OSBPL8: variants seen among roughly 807,000 people sequenced by gnomAD.
The protein encoded by OSBPL8 is oxysterol-binding protein-related protein 8.
A neutral mutation model predicts 125.5 loss-of-function variants in OSBPL8; 59 were observed. That is an observed-to-expected ratio of 0.47 (90% CI 0.38 to 0.58). OSBPL8 has a LOEUF of 0.58. Among genes scored for constraint, OSBPL8 ranks in the 20% least tolerant of loss-of-function variants. The pLI is 0.00. For missense variants in OSBPL8, 758 were observed against 1,047.8 expected, an observed-to-expected ratio of 0.72 and a Z score of 3.82; for synonymous variants, 330 against 338.9, an observed-to-expected ratio of 0.97 and a Z score of 0.29.
At chr12:76,414,354 T>C (rs1193692490) in intron 4 of OSBPL8, among the ~76,000 whole-genome samples, 1 of 151,466 alleles carries the variant, frequency 6.6e-6, no homozygotes, top group East Asian at 1.9e-4. Flanking sequence ...TTTTGATATA[T>C]TTTTATATGT....
intron 8 of OSBPL8, among the ~76,000 whole-genome samples, chr12:76,395,010 A>G (rs1440026008): frequency 1.3e-5 from 2 of 152,166 alleles, no homozygotes; most frequent in Non-Finnish European, 2.9e-5. Flanking sequence ...AAAGTTTACC[A>G]TATTAAACCA....
At chr12:76,531,326 T>C (rs531068419) in intron 1 of OSBPL8, among the ~76,000 whole-genome samples, 1 of 152,318 alleles carries the variant, frequency 6.6e-6, no homozygotes, top group East Asian at 1.9e-4. Flanking sequence ...CTTTTCTTAG[T>C]TAGCTTCCAA....
At chr12:76,387,202 T>C (rs1659581833) in intron 12 of OSBPL8, among the ~76,000 whole-genome samples, 1 of 152,174 alleles carries the variant, frequency 6.6e-6, no homozygotes, top group African/African-American at 2.4e-5. Flanking sequence ...CTGTAGTACA[T>C]GGAGGGGAGG....
At chr12:76,369,606 T>G (rs368924799) in intron 20 of OSBPL8, 31 bp downstream of exon 20, 17 of 1,575,322 alleles carry the variant, frequency 1.1e-5, no homozygotes, top group Non-Finnish European at 1.5e-5. Flanking sequence ...GCTAATACAT[T>G]GTTTGAAATA....
At chr12:76,461,737 T>C (rs1413318628) in intron 2 of OSBPL8, among the ~76,000 whole-genome samples, 2 of 152,046 alleles carry the variant, frequency 1.3e-5, no homozygotes, top group Non-Finnish European at 2.9e-5. Flanking sequence ...GTGCCCGGCA[T>C]AGTAAGTCTT....
At chr12:76,545,738 G>A (rs17258018) in intron 1 of OSBPL8, among the ~76,000 whole-genome samples, 15,492 of 152,048 alleles carry the variant, frequency 0.1, 848 homozygotes, top group Admixed American at 0.12. Context: ...AAGTAACCAA[G>A]ACACTTAATT....
intron 1 of OSBPL8, among the ~76,000 whole-genome samples, chr12:76,553,635 C>T (rs1036559454): frequency 1.3e-5 from 2 of 151,234 alleles, no homozygotes; most frequent in Non-Finnish European, 2.9e-5. Flanking sequence ...GTAGTGAGTG[C>T]CACTGCACTC....
chr12:76,353,626 A>G lies in OSBPL8; in HGVS notation c.*2263T>C, dbSNP rs1166838715. ...GTAATTATGTGTTATAAAGATTCAT[A>G]TAACTAAGCCTAGTACAAGCACTGA... On this transcript the variant is annotated 3_prime_UTR_variant, in exon 24 of 24. Coordinates refer to ENST00000261183, the MANE Select transcript of OSBPL8 (RefSeq NM_020841.5). 1 of 152,418 alleles carries G rather than the reference A, an allele frequency of 6.6e-6. No homozygotes were observed. The highest frequency in any genetic ancestry group is 1.9e-4 in the East Asian group (1 of 5,206). 9.4% of individuals were successfully genotyped at this position (152,418 alleles called of 1,614,324 possible).
At chr12:76,357,076 CT>C (rs1006851216) in intron 22 of OSBPL8, among the ~76,000 whole-genome samples, 1 of 152,106 alleles carries the variant, frequency 6.6e-6, no homozygotes, top group Admixed American at 6.5e-5. Context: ...TTCTTGAGCC[CT>C]TTTTTCCAAT....
chr12:76,377,293 TAATGTG>T (rs1030355727), intron 16 of OSBPL8, among the ~76,000 whole-genome samples: 2 of 152,222 alleles, frequency 1.3e-5, no homozygotes, highest in African/African-American at 4.8e-5. Context: ...ATATACCCAG[TAATGTG>T]ATTGCTGGGT....
In OSBPL8 at chr12:76,392,699, TAAG is replaced by T; in HGVS notation, c.808_810del (p.Leu270del). The T allele has an allele frequency of 6.2e-7, 1 of 1,614,038 alleles. No individual in the cohort carries two copies. On this transcript the variant is annotated inframe_deletion, in exon 10 of 24. Transcript: ENST00000261183. Reference sequence around the variant, plus strand: ...TTTCCTTCTCTGATCATTGTACGTTTAAGAAGACTAGAACATTTCAAAGCCAAC... The same window carrying T: ...TTTCCTTCTCTGATCATTGTACGTTTAAGACTAGAACATTTCAAAGCCAAC...
At chr12:76,403,620 C>T (rs1290385277) in intron 5 of OSBPL8, among the ~76,000 whole-genome samples, 1 of 152,172 alleles carries the variant, frequency 6.6e-6, no homozygotes, top group African/African-American at 2.4e-5. Context: ...ATTAAACATA[C>T]TCCTTCAATG....
intron 1 of OSBPL8, among the ~76,000 whole-genome samples, chr12:76,556,673 G>A (rs548703675): frequency 6.6e-6 from 1 of 152,024 alleles, no homozygotes; most frequent in African/African-American, 2.4e-5. Context: ...TGTTTTTTTG[G>A]TGTTTTTTGA....
intron 1 of OSBPL8, among the ~76,000 whole-genome samples, chr12:76,525,996 G>C (rs1416826311): frequency 6.6e-6 from 1 of 152,226 alleles, no homozygotes; most frequent in Admixed American, 6.5e-5. Flanking sequence ...GCTGGAAATA[G>C]TCTATATCTT....
intron 1 of OSBPL8, 118 bp downstream of exon 1, chr12:76,559,279 G>C (rs1428285094): frequency 6.5e-6 from 1 of 152,878 alleles, no homozygotes; most frequent in East Asian, 1.9e-4. Context: ...AGAACTCCTC[G>C]GCGGGGGTGG....
intron 1 of OSBPL8, among the ~76,000 whole-genome samples, chr12:76,498,499 C>A (rs1225412447): frequency 6.6e-6 from 1 of 152,166 alleles, no homozygotes; most frequent in Non-Finnish European, 1.5e-5. Context: ...ATTTTTGCTA[C>A]CTGTCCAGGT....
intron 9 of OSBPL8, 104 bp from the exon 10 acceptor site, chr12:76,392,856 G>T: frequency 8.5e-7 from 1 of 1,174,312 alleles, no homozygotes; most frequent in Non-Finnish European, 1.2e-6. Flanking sequence ...AACATGCACT[G>T]GAAAAGTTAA....
At chr12:76,483,046 G>A (rs900251279) in intron 2 of OSBPL8, among the ~76,000 whole-genome samples, 6 of 152,288 alleles carry the variant, frequency 3.9e-5, no homozygotes, top group African/African-American at 1.4e-4. Flanking sequence ...CGGATCATGA[G>A]GTCAGCAGTT....
In OSBPL8 at chr12:76,390,508, C is replaced by T; in HGVS notation, c.1079G>A (p.Arg360Lys). ...SEESDTDTSERQDDSYIEPEP... is the reference protein window; with the variant it reads ...SEESDTDTSEKQDDSYIEPEP... ...AGGTTCGATATATGAGTCATCTTGT[C>T]TTTCTGATGTATCTGTGTCACTTTC... Residue 360 changes from arginine to lysine, a missense_variant, in exon 11 of 24, where the codon AGA (arginine) becomes AAA (lysine). Around this residue, in one of 3 missense-constraint regions of OSBPL8, gnomAD observed 572 missense variants for 762.0 expected, o/e 0.75. Coordinates refer to ENST00000261183, the MANE Select transcript of OSBPL8 (RefSeq NM_020841.5). The T allele has an allele frequency of 1.9e-6, 3 of 1,613,902 alleles. No homozygotes were observed. The highest frequency in any genetic ancestry group is 2.5e-6 in the Non-Finnish European group (3 of 1,179,894).
Sources: allele counts gnomAD v4.1 joint callset (sites outside exome capture counted in the v4.1 genomes callset), GRCh38; gene constraint gnomAD v4.1.1; regional missense constraint gnomAD v4.1.1; transcripts MANE v1.5; gene names NCBI Gene and HGNC (gene_info 2026-07-23, HGNC 2026-07-21).